Variants in CASD1 observed in about 807,000 individuals in gnomAD.
CASD1 encodes the protein CAS1 domain sialic acid O acetyltransferase 1.
CASD1 carries 41 observed loss-of-function variants against 100.0 expected under a neutral mutation model. That is an observed-to-expected ratio of 0.41 (90% CI 0.32 to 0.53). CASD1 has a LOEUF of 0.53. CASD1 is among the 20% of genes least tolerant of loss of function. CASD1 has a pLI of 0.25. For synonymous variants in CASD1, 321 were observed against 315.6 expected (o/e 1.02, Z -0.18); for missense variants, 774 against 948.7 (o/e 0.82, Z 2.42).
chr7:94,521,996 A>T (rs1794305501), intron 3 of CASD1, among the ~76,000 whole-genome samples: 2 of 152,202 alleles, frequency 1.3e-5, no homozygotes, highest in South Asian at 4.1e-4. Flanking sequence ...AGGCAGGAGA[A>T]TGGCGTGAAC....
At chr7:94,559,276 C>CTG (rs377655712), downstream of CASD1, among the ~76,000 whole-genome samples, 28,490 of 137,346 alleles carry the variant, frequency 0.21, 3,118 homozygotes, top group East Asian at 0.36. Context: ...GTATATATGT[C>CTG]TGTGTGTGTG....
At chr7:94,585,516 C>T in the CASD1 span, 20 of 1,603,998 alleles carry the variant, frequency 1.2e-5, no homozygotes, top group Non-Finnish European at 1.6e-5. Context: ...TACCATTTAC[C>T]TGCAATGTGT....
the CASD1 span, among the ~76,000 whole-genome samples, chr7:94,615,558 C>G: frequency 6.6e-6 from 1 of 152,102 alleles, no homozygotes; most frequent in Non-Finnish European, 1.5e-5. Context: ...AGTATAACTT[C>G]TCACTGAGGC....
chr7:94,578,978 C>CT, the CASD1 span, among the ~76,000 whole-genome samples: 3 of 151,866 alleles, frequency 2.0e-5, no homozygotes, highest in African/African-American at 2.4e-5. Flanking sequence ...TATTACAACA[C>CT]TTTTTTTTAA....
the CASD1 span, chr7:94,586,971 T>C: frequency 1.0e-6 from 1 of 984,322 alleles, no homozygotes; most frequent in Non-Finnish European, 1.2e-6. Context: ...CTTTAGTCTA[T>C]AATATGATCC....
At chr7:94,539,598 G>T (rs1289211663) in intron 10 of CASD1, among the ~76,000 whole-genome samples, 2 of 147,916 alleles carry the variant, frequency 1.4e-5, no homozygotes, top group African/African-American at 5.0e-5. Context: ...GAACCCAGGG[G>T]ATAGAGGTTG....
chr7:94,598,673 G>C, the CASD1 span: 1 of 872,244 alleles, frequency 1.1e-6, no homozygotes, highest in Admixed American at 1.7e-5. Context: ...TTCTCTTCCA[G>C]TTATAAACAA....
At chr7:94,619,519 C>T in the CASD1 span, 5 of 152,318 alleles carry the variant, frequency 3.3e-5, no homozygotes, top group African/African-American at 1.2e-4. Context: ...TAAAACAACC[C>T]CATGTCAAAT....
At chr7:94,629,953 GA>G in the CASD1 span, 1 of 1,245,880 alleles carries the variant, frequency 8.0e-7, no homozygotes, top group Non-Finnish European at 1.1e-6. Context: ...GACATTTCTG[GA>G]AAAACTGAAG....
chr7:94,593,400 CA>C, the CASD1 span, among the ~76,000 whole-genome samples: 3 of 151,626 alleles, frequency 2.0e-5, no homozygotes, highest in Admixed American at 6.6e-5. Flanking sequence ...CCTACCACTC[CA>C]AAAAAATCAA....
chr7:94,623,236 T>A, the CASD1 span: 5 of 791,438 alleles, frequency 6.3e-6, no homozygotes, highest in African/African-American at 8.8e-5. Context: ...TGTGGCATTT[T>A]AAAATTCTTG....
At chr7:94,593,685 G>A in the CASD1 span, among the ~76,000 whole-genome samples, 3 of 151,970 alleles carry the variant, frequency 2.0e-5, no homozygotes, top group Non-Finnish European at 4.4e-5. Context: ...AGGAGGTATG[G>A]AAGAGTCTAG....
chr7:94,615,421 GATAAA>G, the CASD1 span, among the ~76,000 whole-genome samples: 2 of 126,516 alleles, frequency 1.6e-5, no homozygotes, highest in Non-Finnish European at 3.6e-5. Flanking sequence ...TAGATAGATA[GATAAA>G]GGGCAATTCT....
the CASD1 span, among the ~76,000 whole-genome samples, chr7:94,573,133 GTA>G: frequency 6.6e-6 from 1 of 152,290 alleles, no homozygotes; most frequent in Non-Finnish European, 1.5e-5. Context: ...TAGCACTGTA[GTA>G]TAGTTTGAGG....
At chr7:94,577,349 C>A in the CASD1 span, among the ~76,000 whole-genome samples, 281 of 152,244 alleles carry the variant, frequency 1.8e-3, 2 homozygotes, top group African/African-American at 6.5e-3. Context: ...CCTTTAAAGT[C>A]CATATTCTTT....
At chr7:94,610,460 G>T in the CASD1 span, among the ~76,000 whole-genome samples, 1 of 152,114 alleles carries the variant, frequency 6.6e-6, no homozygotes, top group South Asian at 2.1e-4. Flanking sequence ...AGCAATCTCT[G>T]CACCTTATGC....
downstream of CASD1, among the ~76,000 whole-genome samples, chr7:94,558,367 A>G (rs934333717): frequency 3.3e-5 from 5 of 152,146 alleles, no homozygotes; most frequent in Non-Finnish European, 7.4e-5. Context: ...AATGAATTGG[A>G]TGTACCACAT....
Position 94,538,629 on chromosome 7 carries a change from A to G in CASD1, c.1267-338A>G, listed in dbSNP as rs561758632. ...ATTCTAAAGAAAATTATAGAATGCC[A>G]TTTTTAGATTTATAAATACTCACAT... is the stretch of plus-strand genomic sequence containing the variant. On this transcript the variant is annotated intron_variant, in intron 9 of 17. Transcript: ENST00000297273. 2.6e-5 allele frequency among the ~76,000 whole-genome samples: 4 copies of G among 152,264 alleles called. No individual in the cohort carries two copies. In the Middle Eastern group the frequency reaches 0.014, roughly 518 times the overall value.
chr7:94,557,379 A>T (rs959162963), downstream of CASD1, among the ~76,000 whole-genome samples: 4 of 152,014 alleles, frequency 2.6e-5, no homozygotes, highest in East Asian at 7.7e-4. Flanking sequence ...CAGATAGACA[A>T]TTGTAATGAT....
Sources: gnomAD v4.1 joint callset for allele counts (sites outside exome capture counted in the v4.1 genomes callset) on GRCh38, gnomAD v4.1.1 for gene constraint, MANE v1.5 for transcripts, NCBI Gene and HGNC (gene_info 2026-07-23, HGNC 2026-07-21) for gene names.